The following TSBP1 variants were observed in gnomAD, a reference collection of about 807,000 sequenced individuals.
The protein encoded by TSBP1 is testis expressed basic protein 1.
In TSBP1, 56 loss-of-function variants were observed where a neutral mutation model predicts 68.8. The observed-to-expected ratio is 0.81, with a 90% CI of 0.66 to 1.02. TSBP1 has a LOEUF of 1.02. TSBP1 is among the 50% of genes least tolerant of loss of function. TSBP1 has a pLI of 0.00. For missense variants in TSBP1, 502 were observed against 641.2 expected, an observed-to-expected ratio of 0.78 and a Z score of 2.34; for synonymous variants, 171 against 208.7, an observed-to-expected ratio of 0.82 and a Z score of 1.56.
chr6:32,330,602 A>T lies in TSBP1; in HGVS notation c.501T>A (p.Tyr167Ter). 6.2e-7 allele frequency: 1 copy of T among 1,604,602 alleles called. No homozygotes were observed. The highest frequency in any genetic ancestry group is 1.1e-5 in the South Asian group (1 of 90,114). The stretch of plus-strand genomic sequence containing the variant: ...TAAGGTACTTACCATTGGATCCAGG[A>T]TATTGTACTAAAAAATAGAAACAAA... The change falls in exon 16 of 23, where the codon TAT becomes TAA. Residue 167 changes from tyrosine to a stop codon, truncating the protein, a stop_gained. Transcript: ENST00000612031. LOFTEE classifies it high-confidence loss of function.
chr6:32,348,972 T>C (rs2127627547), intron 9 of TSBP1, among the ~76,000 whole-genome samples: 1 of 152,222 alleles, frequency 6.6e-6, no homozygotes, highest in African/African-American at 2.4e-5. Context: ...GACTTCTCAT[T>C]CTTCGAAGTT....
At position 32,342,761 on chromosome 6, in the gene TSBP1, A is replaced by G. The variant is rs117876908; in HGVS notation, c.350-3123T>C. On this transcript the variant is annotated intron_variant, in intron 9 of 22. Transcript: ENST00000612031. ...GTATAGTTCAGATACGAAGTGAGCA[A>G]TAACTTTTTCCTAAGCCTACAGTCA... Among the ~76,000 whole-genome samples, 1,062 of 152,350 alleles carry G rather than the reference A, an allele frequency of 7.0e-3. 18 individuals carry two copies. Among genetic ancestry groups the G allele is most frequent in the East Asian group, 0.019 (100 of 5,184 alleles).
In TSBP1 at chr6:32,336,495, C is replaced by T; in HGVS notation, c.430+120G>A. The T allele has an allele frequency of 1.2e-6, 1 of 832,420 alleles. No individual in the cohort carries two copies. Among genetic ancestry groups the T allele is most frequent in the Non-Finnish European group, 2.0e-6 (1 of 509,976 alleles). The allele number at this position is 832,420 out of a possible 1,614,324, so 51.6% of individuals were successfully genotyped here. A position where few individuals can be genotyped will look rare whatever the true frequency, so the allele number is the denominator to read the frequency against. On this transcript the variant is annotated intron_variant, in intron 12 of 22. Transcript: ENST00000612031. This position sits in a 1 kb window ranked among gnomAD's most constrained non-coding sequence, Gnocchi z 5.2. ...ACCCATTAGCAAACCTGCATATGCA[C>T]CACCGGAATCTAAAATAAAAGTTGA...
chr6:32,320,268 A>G (rs979048660), intron 18 of TSBP1: 1 of 455,560 alleles, frequency 2.2e-6, no homozygotes, highest in African/African-American at 2.0e-5. Flanking sequence ...TGCACATTGC[A>G]TGGGTAGCAC....
intron 19 of TSBP1, among the ~76,000 whole-genome samples, chr6:32,309,019 G>T (rs1333294073): frequency 7.0e-6 from 1 of 142,766 alleles, no homozygotes; most frequent in African/African-American, 2.6e-5. Context: ...GCATGATCAC[G>T]GCTTACTGCT....
At chr6:32,367,823 A>T in intron 4 of TSBP1, 102 bp downstream of exon 4, 1 of 835,982 alleles carries the variant, frequency 1.2e-6, no homozygotes, top group Non-Finnish European at 1.9e-6. Context: ...AAAACGAAAG[A>T]TATGCTGACT....
intron 10 of TSBP1, chr6:32,339,299 AAGAATTT>A: frequency 1.8e-6 from 1 of 544,756 alleles, no homozygotes; most frequent in East Asian, 3.0e-5. Context: ...TTTTTATTAT[AAGAATTT>A]CCACTTTGTT....
rs3129918 is a variant in TSBP1 at position 32,365,013 on chromosome 6, C to A, written c.217+1154G>T. Among the ~76,000 whole-genome samples the A allele has an allele frequency of 0.48, 72,052 of 151,258 alleles. 18,480 individuals are homozygous for A. Among genetic ancestry groups the A allele is most frequent in the Middle Eastern group, 0.59 (174 of 294 alleles). On this transcript the variant is annotated intron_variant, in intron 6 of 22. Coordinates refer to ENST00000612031, the Ensembl canonical transcript of TSBP1. The surrounding 1 kb of genome is among the most constrained non-coding windows in gnomAD (Gnocchi z 4.3). ...GGCTCAAGCAATCCTCCCACCTCAG[C>A]CTCCTGAGTAGCTGGGACTGCAGGT...
rs1021321851 is a variant in TSBP1 at position 32,341,032 on chromosome 6, G to A, written c.350-1394C>T. Among the ~76,000 whole-genome samples the A allele has an allele frequency of 1.1e-4, 16 of 152,182 alleles. 1 individual carries two copies. The highest frequency in any genetic ancestry group is 6.5e-5 in the Admixed American group (1 of 15,280). On this transcript the variant is annotated intron_variant, in intron 9 of 22. Coordinates refer to ENST00000612031, the Ensembl canonical transcript of TSBP1. ...GCTGGTCTCAAACTCCTGGCCTTGA[G>A]TGATCCCCTCACCTCGGCCTCCCAA...
At chr6:32,364,828 T>TA (rs1562193851) in intron 6 of TSBP1, among the ~76,000 whole-genome samples, 1 of 152,192 alleles carries the variant, frequency 6.6e-6, no homozygotes, top group Non-Finnish European at 1.5e-5. Context: ...TGAAGTCTTG[T>TA]CTTGTGTTTT....
chr6:32,366,354 A>G (rs763905377), intron 4 of TSBP1, 52 bp from the exon 5 acceptor site: 13 of 1,507,458 alleles, frequency 8.6e-6, no homozygotes, highest in African/African-American at 2.8e-5. Flanking sequence ...AAGTGAGTCT[A>G]TATTATTTTT....
chr6:32,310,761 A>ATATATATATATATTTTTTTTTT, intron 19 of TSBP1, among the ~76,000 whole-genome samples: 1 of 144,806 alleles, frequency 6.9e-6, no homozygotes, highest in Admixed American at 6.9e-5. Context: ...ATATATATAT[A>ATATATATATATATTTTTTTTTT]TTTTTAATCT....
rs1768062355 is a variant in TSBP1, at chr6:32,325,017, A to C, written c.515-1403T>G. On this transcript the variant is annotated intron_variant, in intron 16 of 22. Coordinates refer to ENST00000612031, the Ensembl canonical transcript of TSBP1. This position sits in a 1 kb window ranked among gnomAD's most constrained non-coding sequence, Gnocchi z 4.4. The stretch of plus-strand genomic sequence containing the variant: ...ATCTAGAAAGCAGAAATGGATCTAT[A>C]TCATTTTTCTGTCATTTTTTTTCCT... Among the ~76,000 whole-genome samples the C allele has an allele frequency of 6.6e-6, 1 of 152,160 alleles. No individual in the cohort carries two copies. The highest frequency in any genetic ancestry group is 2.4e-5 in the African/African-American group (1 of 41,444).
rs1332833551 is a variant in TSBP1, at chr6:32,333,643, G to C, written c.473-1589C>G. Among the ~76,000 whole-genome samples the C allele has an allele frequency of 1.3e-5, 2 of 152,250 alleles. No individual in the cohort carries two copies. Among genetic ancestry groups the C allele is most frequent in the Non-Finnish European group, 2.9e-5 (2 of 68,044 alleles). ...CTACTCCCACAGCAGAGGGATAGCT[G>C]TTAATGCCCTTGCTGGCAAACTGTG... On this transcript the variant is annotated intron_variant, in intron 14 of 22. Transcript: ENST00000612031. The surrounding 1 kb of genome is among the most constrained non-coding windows in gnomAD (Gnocchi z 4.2).
At chr6:32,339,769 T>C in intron 9 of TSBP1, 131 bp from the exon 11 acceptor site, 1 of 500,398 alleles carries the variant, frequency 2.0e-6, no homozygotes, top group Non-Finnish European at 3.7e-6. Context: ...AAGAGCTGAG[T>C]CCGACTTTTG....
At chr6:32,358,910 TTTA>T (rs9281749) in intron 6 of TSBP1, among the ~76,000 whole-genome samples, 49,080 of 147,918 alleles carry the variant, frequency 0.33, 8,551 homozygotes, top group African/African-American at 0.36. Context: ...CATGATTTGT[TTTA>T]TTATTATTAT....
intron 6 of TSBP1, among the ~76,000 whole-genome samples, chr6:32,360,921 G>A (rs1461732835): frequency 6.7e-6 from 1 of 150,078 alleles, no homozygotes; most frequent in African/African-American, 2.5e-5. Context: ...GGGTACATGT[G>A]CACAATGTGC....
chr6:32,316,301 C>A lies in TSBP1; in HGVS notation c.560-509G>T. ...TAGACCATGTAGGGTAATAAGGAAG[C>A]AAGGGAATAATGGGAACCACAAATC... On this transcript the variant is annotated intron_variant, in intron 18 of 22. Transcript: ENST00000612031. The surrounding 1 kb of genome is among the most constrained non-coding windows in gnomAD (Gnocchi z 4.5). 2.0e-6 allele frequency: 2 copies of A among 1,006,526 alleles called. 1 individual carries two copies. The highest frequency in any genetic ancestry group is 3.0e-5 in the South Asian group (2 of 65,920). The allele number at this position is 1,006,526 out of a possible 1,614,324, so 62.3% of individuals were successfully genotyped here. A position where few individuals can be genotyped will look rare whatever the true frequency, so the allele number is the denominator to read the frequency against.
intron 4 of TSBP1, 74 bp from the exon 5 acceptor site, chr6:32,366,376 A>T (rs1421413810): frequency 7.4e-7 from 1 of 1,347,672 alleles, no homozygotes; most frequent in South Asian, 1.2e-5. Context: ...GTTAGATAGA[A>T]ATCTGTTTAC....
Sources: allele counts gnomAD v4.1 joint callset (sites outside exome capture counted in the v4.1 genomes callset), GRCh38; gene constraint gnomAD v4.1.1; non-coding constraint Gnocchi (gnomAD v3.1); transcripts MANE v1.5; gene names NCBI Gene and HGNC (gene_info 2026-07-23, HGNC 2026-07-21).